NCAM2: variants seen among roughly 807,000 people sequenced by gnomAD.
The protein encoded by NCAM2 is N-CAM-2.
Under a neutral mutation model 98.1 loss-of-function variants are expected in NCAM2, and 30 were observed. That is an observed-to-expected ratio of 0.31 (90% CI 0.23 to 0.41). NCAM2 has a LOEUF of 0.41. Ranked by LOEUF, NCAM2 falls within the 10% of genes least tolerant of loss-of-function variation. The probability of loss-of-function intolerance (pLI) is 1.00; values close to 1 mark genes in which losing one functional copy is unlikely to be tolerated. For synonymous variants in NCAM2, 368 were observed against 342.4 expected (o/e 1.07, Z -0.83); for missense variants, 867 against 1,005.8 (o/e 0.86, Z 1.87).
intron 15 of NCAM2, among the ~76,000 whole-genome samples, chr21:21,508,491 A>C (rs764193288): frequency 6.6e-6 from 1 of 151,992 alleles, no homozygotes; most frequent in Non-Finnish European, 1.5e-5. Context: ...TTTTCTGATA[A>C]AGTACATTTA....
chr21:21,292,218 G>A lies in NCAM2; in HGVS notation c.596G>A (p.Arg199His), dbSNP rs765814157. 13 of 1,609,268 alleles carry A rather than the reference G, an allele frequency of 8.1e-6. No homozygotes were observed. The highest frequency in any genetic ancestry group is 4.0e-5 in the African/African-American group (3 of 74,566). The change falls in exon 5 of 18, where the codon CGT becomes CAT. Residue 199 changes from arginine to histidine, a missense_variant. Transcript: ENST00000400546. ...GAGGCCAGGGGAGAAATTGACTTCC[G>A]TGATATCATTGTTATTGTTAATGGT... Reference protein sequence around the residue: ...RVEARGEIDFRDIIVIVNVPP... With the variant: ...RVEARGEIDFHDIIVIVNVPP...
At chr21:21,216,474 G>C (rs946168630) in intron 1 of NCAM2, among the ~76,000 whole-genome samples, 3 of 152,152 alleles carry the variant, frequency 2.0e-5, no homozygotes, top group African/African-American at 7.2e-5. Context: ...GCTAAAACTG[G>C]TTGGAAGGAC....
chr21:21,511,250 C>T (rs1412968141), intron 16 of NCAM2, among the ~76,000 whole-genome samples: 1 of 151,998 alleles, frequency 6.6e-6, no homozygotes, highest in Non-Finnish European at 1.5e-5. Flanking sequence ...TACCCATTAA[C>T]TGTTCCTACT....
chr21:21,210,967 AACACACACAC>A (rs71195310), intron 1 of NCAM2, among the ~76,000 whole-genome samples: 3,415 of 127,296 alleles, frequency 0.027, 75 homozygotes, highest in East Asian at 0.06. Flanking sequence ...ACTCTCCCCA[AACACACACAC>A]ACACACACAC....
intron 1 of NCAM2, among the ~76,000 whole-genome samples, chr21:21,143,046 A>G (rs1351194073): frequency 6.6e-6 from 1 of 152,154 alleles, no homozygotes; most frequent in Non-Finnish European, 1.5e-5. Context: ...TGTTATATTC[A>G]AAGAAGTTAT....
At chr21:21,232,658 C>T (rs948018457) in intron 1 of NCAM2, among the ~76,000 whole-genome samples, 9 of 151,484 alleles carry the variant, frequency 5.9e-5, no homozygotes, top group Admixed American at 3.3e-4. Context: ...GATATGTAAA[C>T]GTATATTTCA....
intron 5 of NCAM2, among the ~76,000 whole-genome samples, chr21:21,298,942 T>A (rs917477439): frequency 1.3e-5 from 2 of 151,046 alleles, no homozygotes; most frequent in Non-Finnish European, 3.0e-5. Context: ...GCTTGTTGAT[T>A]AGGGGCTGAC....
rs1186710613 is a variant in NCAM2, at chr21:21,276,770, A to G, written c.56-3808A>G. ...TGGTCTTTGGGAAATATAGTGAAGT[A>G]GAGAATTATATTTTCTTTATATATT... On this transcript the variant is annotated intron_variant, in intron 1 of 17. Transcript: ENST00000400546. Among the ~76,000 whole-genome samples the G allele has an allele frequency of 2.0e-5, 3 of 152,162 alleles. No homozygotes were observed. In the East Asian group the frequency reaches 5.8e-4, roughly 29 times the overall value.
chr21:21,288,157 A>T (rs1177555406), intron 4 of NCAM2, among the ~76,000 whole-genome samples: 1 of 151,924 alleles, frequency 6.6e-6, no homozygotes, highest in African/African-American at 2.4e-5. Flanking sequence ...TGGTTGCTAT[A>T]CAGTATTATT....
intron 1 of NCAM2, among the ~76,000 whole-genome samples, chr21:21,271,423 A>G (rs2072493701): frequency 6.6e-6 from 1 of 152,236 alleles, no homozygotes; most frequent in South Asian, 2.1e-4. Context: ...ACTAAAAACA[A>G]ACAGCCTTTT....
At chr21:21,451,240 T>C (rs1981017721) in intron 12 of NCAM2, among the ~76,000 whole-genome samples, 1 of 152,130 alleles carries the variant, frequency 6.6e-6, no homozygotes, top group Admixed American at 6.6e-5. Context: ...TTGTTTACAC[T>C]CAAATAAAAC....
intron 1 of NCAM2, among the ~76,000 whole-genome samples, chr21:21,000,896 A>T (rs900213934): frequency 1.3e-5 from 2 of 152,198 alleles, no homozygotes; most frequent in Non-Finnish European, 2.9e-5. Flanking sequence ...AGCTGTTTAA[A>T]AAAACAGACC....
chr21:21,404,069 C>G (rs1291461422), intron 9 of NCAM2, among the ~76,000 whole-genome samples: 1 of 152,074 alleles, frequency 6.6e-6, no homozygotes, highest in Non-Finnish European at 1.5e-5. Flanking sequence ...TTTCAAGTGT[C>G]TTACTACATA....
rs148740870 is a variant in NCAM2 at position 21,453,506 on chromosome 21, A to G, written c.1655-13100A>G. On this transcript the variant is annotated intron_variant, in intron 12 of 17. Coordinates refer to ENST00000400546, the MANE Select transcript of NCAM2 (RefSeq NM_004540.5). ...TGCATTTTATTCTTAATGTCATGGA[A>G]CCTTATTGAAAATCTCGTAAGTAAT... Among the ~76,000 whole-genome samples, 48 of 152,204 alleles carry G rather than the reference A, an allele frequency of 3.2e-4. No homozygotes were observed. The East Asian group carries it at 8.9e-3, about 28-fold the overall frequency.
At chr21:21,503,095 G>A (rs1393990773) in intron 15 of NCAM2, among the ~76,000 whole-genome samples, 1 of 151,724 alleles carries the variant, frequency 6.6e-6, no homozygotes. Context: ...ACAGAAACAT[G>A]AAAAGACGCA....
chr21:21,233,605 G>A (rs1204291150), intron 1 of NCAM2, among the ~76,000 whole-genome samples: 1 of 151,514 alleles, frequency 6.6e-6, no homozygotes, highest in Non-Finnish European at 1.5e-5. Flanking sequence ...TCTGGAAAAT[G>A]GTACTGAATG....
intron 9 of NCAM2, among the ~76,000 whole-genome samples, chr21:21,399,356 T>C (rs902634729): frequency 6.6e-6 from 1 of 152,188 alleles, no homozygotes; most frequent in African/African-American, 2.4e-5. Flanking sequence ...CATGTGAAAA[T>C]AACTCTTTCT....
chr21:21,354,514 A>T (rs1247934418), intron 8 of NCAM2, among the ~76,000 whole-genome samples: 1 of 152,234 alleles, frequency 6.6e-6, no homozygotes, highest in African/African-American at 2.4e-5. Flanking sequence ...AATACAAAAT[A>T]TACAGTACAA....
chr21:21,318,906 CAG>C (rs2074295148), intron 5 of NCAM2, among the ~76,000 whole-genome samples: 1 of 151,980 alleles, frequency 6.6e-6, no homozygotes, highest in Non-Finnish European at 1.5e-5. Flanking sequence ...ATAAAAGAAA[CAG>C]AATACAGAAG....
Sources: allele counts gnomAD v4.1 joint callset (sites outside exome capture counted in the v4.1 genomes callset), GRCh38; gene constraint gnomAD v4.1.1; transcripts MANE v1.5; gene names NCBI Gene and HGNC (gene_info 2026-07-23, HGNC 2026-07-21).